Variants in RORA observed in about 807,000 individuals in gnomAD.
The protein encoded by RORA is nuclear receptor ROR-alpha.
In RORA, 7 loss-of-function variants were observed where a neutral mutation model predicts 69.5. That is an observed-to-expected ratio of 0.10 (90% CI 0.06 to 0.19). The LOEUF (loss-of-function observed/expected upper bound fraction) is 0.19. Ranked by LOEUF, RORA falls within the 10% of genes least tolerant of loss-of-function variation. The pLI, the probability that RORA is intolerant of heterozygous loss-of-function variation, is 1.00. For synonymous variants in RORA, 261 were observed against 240.8 expected, an observed-to-expected ratio of 1.08 and a Z score of -0.78; for missense variants, 457 against 663.0, an observed-to-expected ratio of 0.69 and a Z score of 3.41.
intron 1 of RORA, among the ~76,000 whole-genome samples, chr15:61,010,435 T>C (rs1452944658): frequency 6.6e-6 from 1 of 152,188 alleles, no homozygotes; most frequent in Non-Finnish European, 1.5e-5. Context: ...TAGTGAAAAT[T>C]AGTGACCTTG....
At chr15:61,109,901 G>C (rs1316813118) in intron 1 of RORA, among the ~76,000 whole-genome samples, 1 of 152,146 alleles carries the variant, frequency 6.6e-6, no homozygotes, top group Non-Finnish European at 1.5e-5. Context: ...TGAGTGATTT[G>C]TTATTACAGT....
chr15:60,996,399 A>G (rs1894536372), intron 1 of RORA, among the ~76,000 whole-genome samples: 1 of 152,184 alleles, frequency 6.6e-6, no homozygotes. Context: ...TGGTGGTTAC[A>G]TGGGTATATA....
At chr15:61,165,561 G>T (rs1374175705) in intron 1 of RORA, among the ~76,000 whole-genome samples, 1 of 152,134 alleles carries the variant, frequency 6.6e-6, no homozygotes, top group Non-Finnish European at 1.5e-5. Flanking sequence ...ATGCCAATAT[G>T]TAAAATAGAT....
intron 2 of RORA, among the ~76,000 whole-genome samples, chr15:60,571,279 T>C (rs1303335093): frequency 3.9e-5 from 6 of 152,170 alleles, no homozygotes; most frequent in African/African-American, 1.4e-4. Context: ...CTGACACAGT[T>C]TGAATTCATC....
At chr15:61,011,491 A>AAAAAC (rs1895084335) in intron 1 of RORA, among the ~76,000 whole-genome samples, 1 of 152,214 alleles carries the variant, frequency 6.6e-6, no homozygotes, top group African/African-American at 2.4e-5. Context: ...GTTGGCTTGA[A>AAAAAC]AAAACAAAAC....
At chr15:60,620,777 C>T (rs1323203712) in intron 2 of RORA, among the ~76,000 whole-genome samples, 2 of 152,212 alleles carry the variant, frequency 1.3e-5, no homozygotes, top group African/African-American at 2.4e-5. Context: ...TGTGGCTTTT[C>T]GGGTTAGTCC....
intron 1 of RORA, among the ~76,000 whole-genome samples, chr15:60,883,869 G>A (rs551691160): frequency 2.0e-5 from 3 of 152,192 alleles, no homozygotes; most frequent in Non-Finnish European, 4.4e-5. Context: ...GGGATACCAC[G>A]ATGTGGCTAC....
rs1250642536 is a variant in RORA, at chr15:61,226,959, CT to C, written c.166+2093del. 6.6e-6 allele frequency among the ~76,000 whole-genome samples: 1 copy of C among 152,094 alleles called. No individual in the cohort carries two copies. The highest frequency in any genetic ancestry group is 1.5e-5 in the Non-Finnish European group (1 of 68,022). On this transcript the variant is annotated intron_variant, in intron 1 of 10. Coordinates refer to ENST00000335670, the MANE Select transcript of RORA (RefSeq NM_134261.3). The surrounding 1 kb of genome is among the most constrained non-coding windows in gnomAD (Gnocchi z 4.2). ...CCCACTCCTACTATGCCCCTCTCCC[CT>C]TTTTGCTGAGCCTAAGGGGGCTGGT...
At chr15:60,850,251 G>A (rs1327124295) in intron 1 of RORA, among the ~76,000 whole-genome samples, 2 of 152,080 alleles carry the variant, frequency 1.3e-5, no homozygotes, top group African/African-American at 2.4e-5. Flanking sequence ...GCCAGCAAGG[G>A]AACTTAGAAC....
At chr15:60,970,305 C>T (rs939632726) in intron 1 of RORA, among the ~76,000 whole-genome samples, 8 of 152,234 alleles carry the variant, frequency 5.3e-5, no homozygotes, top group Admixed American at 1.3e-4. Context: ...CTCTGGTTCT[C>T]AGTAAAGGCT....
chr15:60,505,956 GCTT>G (rs1259664876), intron 5 of RORA, among the ~76,000 whole-genome samples: 4 of 152,306 alleles, frequency 2.6e-5, no homozygotes, highest in Middle Eastern at 3.4e-3. Flanking sequence ...TTGACGTGGT[GCTT>G]CTTCTTGGCA....
intron 9 of RORA, 111 bp from the exon 10 acceptor site, chr15:60,500,115 C>T (rs2065285490): frequency 3.1e-6 from 2 of 648,476 alleles, no homozygotes; most frequent in African/African-American, 1.9e-5. Context: ...TATTTAGAGA[C>T]TCAGAGGCCA....
chr15:60,970,795 T>G (rs1893691716), intron 1 of RORA, among the ~76,000 whole-genome samples: 2 of 152,044 alleles, frequency 1.3e-5, no homozygotes, highest in African/African-American at 4.8e-5. Context: ...ATCACAGAGA[T>G]TTTTTTTCCC....
chr15:60,863,515 C>T (rs1426471017), intron 1 of RORA, among the ~76,000 whole-genome samples: 1 of 152,116 alleles, frequency 6.6e-6, no homozygotes, highest in Non-Finnish European at 1.5e-5. Flanking sequence ...GCAAATCTGG[C>T]CTACGAAAAG....
intron 1 of RORA, among the ~76,000 whole-genome samples, chr15:61,002,118 A>C (rs1894765136): frequency 6.6e-6 from 1 of 152,214 alleles, no homozygotes; most frequent in Non-Finnish European, 1.5e-5. Flanking sequence ...TGGGAGGGAA[A>C]TAGAAACCAT....
chr15:60,592,369 CG>C, intron 2 of RORA: 1 of 1,411,524 alleles, frequency 7.1e-7, no homozygotes, highest in South Asian at 1.5e-5. Context: ...CCGGCCCCGG[CG>C]GGGCGCCCGG....
At chr15:61,214,822 A>G (rs957635082) in intron 1 of RORA, among the ~76,000 whole-genome samples, 13 of 151,756 alleles carry the variant, frequency 8.6e-5, no homozygotes, top group Non-Finnish European at 1.9e-4. Flanking sequence ...GCGAAGGGAT[A>G]ATGTCACTGG....
chr15:60,996,544 G>A (rs934180025), intron 1 of RORA, among the ~76,000 whole-genome samples: 40 of 152,190 alleles, frequency 2.6e-4, no homozygotes, highest in African/African-American at 8.4e-4. Context: ...GTACAATGAA[G>A]TGGCAGCTAC....
intron 3 of RORA, among the ~76,000 whole-genome samples, chr15:60,522,825 G>A (rs543344250): frequency 2.1e-4 from 31 of 148,298 alleles, no homozygotes; most frequent in East Asian, 6.0e-4. Context: ...TAATCCCAGC[G>A]CTTTGGGAGG....
Sources: allele counts gnomAD v4.1 joint callset (sites outside exome capture counted in the v4.1 genomes callset), GRCh38; gene constraint gnomAD v4.1.1; non-coding constraint Gnocchi (gnomAD v3.1); transcripts MANE v1.5; gene names NCBI Gene and HGNC (gene_info 2026-07-23, HGNC 2026-07-21).